Variants in NR1H4 observed in about 807,000 individuals in gnomAD.
The protein encoded by NR1H4 is nuclear receptor subfamily 1 group H member 4.
NR1H4 carries 23 observed loss-of-function variants against 58.5 expected under a neutral mutation model. The observed-to-expected ratio is 0.39, with a 90% confidence interval of 0.28 to 0.56. NR1H4 has a LOEUF of 0.56. Ranked by LOEUF, NR1H4 falls within the 20% of genes least tolerant of loss-of-function variation. NR1H4 has a pLI of 0.58. For missense variants in NR1H4, 487 were observed against 576.9 expected, an observed-to-expected ratio of 0.84 and a Z score of 1.60; for synonymous variants, 214 against 198.0, an observed-to-expected ratio of 1.08 and a Z score of -0.68.
In NR1H4 at chr12:100,476,244, G is replaced by C. The variant is rs1051386572; in HGVS notation, c.-190+2185G>C. ...ATGGGGAATGATCGGGGAGCGGCGA[G>C]GGGGGACCAGCCGTTAAGCATTCCA... On this transcript the variant is annotated intron_variant, in intron 1 of 10. Transcript: ENST00000392986. Among the ~76,000 whole-genome samples the C allele has an allele frequency of 7.9e-5, 12 of 152,224 alleles. 1 individual carries two copies. Among genetic ancestry groups the C allele is most frequent in the African/African-American group, 2.6e-4 (11 of 41,542 alleles).
At chr12:100,542,849 A>T (rs949117618) in intron 9 of NR1H4, among the ~76,000 whole-genome samples, 3 of 151,164 alleles carry the variant, frequency 2.0e-5, no homozygotes, top group Admixed American at 1.3e-4. Context: ...CACACACTTT[A>T]AAAAGATGCA....
At chr12:100,485,159 T>G (rs895930326) in intron 1 of NR1H4, among the ~76,000 whole-genome samples, 9 of 152,342 alleles carry the variant, frequency 5.9e-5, no homozygotes, top group African/African-American at 1.9e-4. Flanking sequence ...GGCTCATTAC[T>G]TTCATTCATG....
At chr12:100,544,478 C>G (rs1013103831) in intron 9 of NR1H4, among the ~76,000 whole-genome samples, 1 of 152,080 alleles carries the variant, frequency 6.6e-6, no homozygotes, top group Non-Finnish European at 1.5e-5. Context: ...CTACATGTCC[C>G]ATTTTTTTAA....
At chr12:100,499,807 T>G (rs542512036) in intron 3 of NR1H4, 4 of 455,410 alleles carry the variant, frequency 8.8e-6, no homozygotes, top group South Asian at 4.7e-5. Context: ...TTATAGAAAT[T>G]AATGTGTCAG....
intron 4 of NR1H4, among the ~76,000 whole-genome samples, chr12:100,524,793 T>G (rs996078154): frequency 3.3e-5 from 5 of 152,172 alleles, no homozygotes; most frequent in African/African-American, 1.2e-4. Flanking sequence ...TTCTTTGTTG[T>G]GTGGATAGTC....
intron 5 of NR1H4, 98 bp downstream of exon 5, chr12:100,532,708 G>A (rs907778728): frequency 9.0e-7 from 1 of 1,114,586 alleles, no homozygotes. Context: ...ATTAAAGAAG[G>A]AACCTACTAA....
In NR1H4 at chr12:100,537,050, A is replaced by AT; in HGVS notation, c.931+9dup. On this transcript the variant is annotated splice_donor_region_variant and intron_variant, in intron 8 of 10. Transcript: ENST00000392986. ...AGAATTCACAAAAAAGCTACCAGGTATTTTTTAAATAATCAAAGTTAATAT... is the reference window on the plus strand; with the variant it reads ...AGAATTCACAAAAAAGCTACCAGGTATTTTTTTAAATAATCAAAGTTAATAT... The AT allele has an allele frequency of 1.3e-6, 2 of 1,537,076 alleles. No homozygotes were observed. The highest frequency in any genetic ancestry group is 1.4e-5 in the African/African-American group (1 of 73,422).
intron 4 of NR1H4, among the ~76,000 whole-genome samples, chr12:100,530,462 A>G (rs1037790207): frequency 6.6e-6 from 1 of 152,230 alleles, no homozygotes. Context: ...CAGTCTGTTA[A>G]AATAGGAAGG....
chr12:100,518,181 G>A (rs1267449895), intron 4 of NR1H4, among the ~76,000 whole-genome samples: 1 of 152,210 alleles, frequency 6.6e-6, no homozygotes, highest in African/African-American at 2.4e-5. Flanking sequence ...CACCTGCGAA[G>A]AGTTCTGGGG....
intron 4 of NR1H4, among the ~76,000 whole-genome samples, chr12:100,523,426 A>G (rs1236760098): frequency 6.6e-6 from 1 of 151,926 alleles, no homozygotes; most frequent in African/African-American, 2.4e-5. Flanking sequence ...TTGCTGATTT[A>G]TTGAGTTTCT....
Position 100,560,928 on chromosome 12 carries a change from C to T in NR1H4, c.1079-957C>T, listed in dbSNP as rs1406944645. 3.3e-5 allele frequency among the ~76,000 whole-genome samples: 5 copies of T among 151,858 alleles called. No homozygotes were observed. The East Asian group carries it at 9.7e-4, about 29-fold the overall frequency. ...CCTGGGCAGTTGAGTGGTGTGGATACCACTCACCGAGAATGGGAACGCCAG... is the reference window on the plus strand; with the variant it reads ...CCTGGGCAGTTGAGTGGTGTGGATATCACTCACCGAGAATGGGAACGCCAG... On this transcript the variant is annotated intron_variant, in intron 9 of 10. Coordinates refer to ENST00000392986, the MANE Select transcript of NR1H4 (RefSeq NM_001206979.2).
chr12:100,558,831 C>T (rs943881047), intron 9 of NR1H4, among the ~76,000 whole-genome samples: 7 of 152,244 alleles, frequency 4.6e-5, no homozygotes, highest in South Asian at 2.1e-4. Context: ...GCAGCTTAGC[C>T]GTAGCCACTG....
rs1255007444 is a variant in NR1H4, at chr12:100,510,936, T to C, written c.238T>C (p.Trp80Arg). The C allele has an allele frequency of 1.9e-6, 3 of 1,614,012 alleles. No individual in the cohort carries two copies. Among genetic ancestry groups the C allele is most frequent in the Non-Finnish European group, 2.5e-6 (3 of 1,180,000 alleles). Residue 80 changes from tryptophan (W) to arginine (R), a missense_variant, in exon 4 of 11, where the codon TGG (tryptophan) becomes CGG (arginine). Coordinates refer to ENST00000392986, the MANE Select transcript of NR1H4 (RefSeq NM_001206979.2). ...LGFYPQQPEE[W>R]YSPGIYELRR... ...TTTCTACCCCCAGCAGCCTGAAGAG[T>C]GGTACTCTCCTGGAATATATGAACT...
rs1490255999 is a variant in NR1H4 at position 100,562,122 on chromosome 12, G to C, written c.1192+124G>C. On this transcript the variant is annotated intron_variant, in intron 10 of 10. Transcript: ENST00000392986. ...AAAAAGTAAAGTAGCCTATAATTCT[G>C]CTATCCAAATAGAACCATTATTAAC... The C allele has an allele frequency of 6.3e-6, 4 of 633,594 alleles. No homozygotes were observed. In the African/African-American group the frequency reaches 7.4e-5, roughly 12 times the overall value. 39.2% of individuals were successfully genotyped at this position (633,594 alleles called of 1,614,324 possible). A position where few individuals can be genotyped will look rare whatever the true frequency, so the allele number is the denominator to read the frequency against.
chr12:100,518,711 A>G (rs1411514868), intron 4 of NR1H4, among the ~76,000 whole-genome samples: 1 of 152,004 alleles, frequency 6.6e-6, no homozygotes. Flanking sequence ...TCAGTAAGCT[A>G]TACTTACAAA....
chr12:100,475,654 A>G (rs1427158561), intron 1 of NR1H4, among the ~76,000 whole-genome samples: 1 of 152,142 alleles, frequency 6.6e-6, no homozygotes, highest in Admixed American at 6.5e-5. Flanking sequence ...CTTTTCTACA[A>G]TGTCTACTAA....
intron 4 of NR1H4, among the ~76,000 whole-genome samples, chr12:100,519,378 T>G (rs549614776): frequency 6.6e-6 from 1 of 152,054 alleles, no homozygotes; most frequent in African/African-American, 2.4e-5. Context: ...GCTGTGGGGC[T>G]GGGTGGGGCT....
At chr12:100,478,723 G>A (rs1301876270) in intron 1 of NR1H4, among the ~76,000 whole-genome samples, 1 of 152,080 alleles carries the variant, frequency 6.6e-6, no homozygotes, top group Non-Finnish European at 1.5e-5. Flanking sequence ...CTGCATTAGA[G>A]GCAATGCTAC....
chr12:100,525,309 G>C (rs1382153937), intron 4 of NR1H4: 1 of 152,162 alleles, frequency 6.6e-6, no homozygotes, highest in Non-Finnish European at 1.5e-5. Flanking sequence ...CCTGGTTGAT[G>C]GTCGTGATGA....
Sources: gnomAD v4.1 joint callset for allele counts (sites outside exome capture counted in the v4.1 genomes callset) on GRCh38, gnomAD v4.1.1 for gene constraint, MANE v1.5 for transcripts, NCBI Gene and HGNC (gene_info 2026-07-23, HGNC 2026-07-21) for gene names.